The following VASH1 variants were observed in gnomAD, a reference collection of about 807,000 sequenced individuals.
The protein encoded by VASH1 is vasohibin 1.
In VASH1, 16 loss-of-function variants were observed where a neutral mutation model predicts 35.0. The ratio of observed to expected loss-of-function variants is 0.46; its 90% CI spans 0.31 to 0.70. The LOEUF is 0.70. VASH1 is among the 30% of genes least tolerant of loss of function. The pLI, the probability that VASH1 is intolerant of heterozygous loss-of-function variation, is 0.05. For missense variants in VASH1, 505 were observed against 510.7 expected (o/e 0.99, Z 0.11); for synonymous variants, 214 against 200.9 (o/e 1.07, Z -0.55).
Position 76,778,995 on chromosome 14 carries a change from AACG to A in VASH1, c.1076_1078del (p.Asn359_Gly360delinsArg). 6.2e-7 allele frequency: 1 copy of A among 1,614,150 alleles called. No homozygotes were observed. The highest frequency in any genetic ancestry group is 8.5e-7 in the Non-Finnish European group (1 of 1,180,026). On this transcript the variant is annotated inframe_deletion, in exon 7 of 7. Coordinates refer to ENST00000167106, the MANE Select transcript of VASH1 (RefSeq NM_014909.5). Reference sequence around the variant, plus strand: ...CGAGCCCAAAGCCATGCCAGACCTTAACGGGTACCAGATCCGGGTCTGAGGCGG... The same window carrying A: ...CGAGCCCAAAGCCATGCCAGACCTTAGGTACCAGATCCGGGTCTGAGGCGG...
At chr14:76,776,933 G>C (rs189999157) in intron 5 of VASH1, among the ~76,000 whole-genome samples, 3 of 152,116 alleles carry the variant, frequency 2.0e-5, no homozygotes, top group African/African-American at 7.2e-5. Flanking sequence ...CTCAACCACC[G>C]ACCTCTGCAC....
chr14:76,775,500 G>A (rs991883804), intron 4 of VASH1, among the ~76,000 whole-genome samples: 22 of 152,154 alleles, frequency 1.4e-4, no homozygotes, highest in African/African-American at 4.3e-4. Flanking sequence ...GTGAAGCCGC[G>A]TCTGTGGCCT....
chr14:76,773,227 T>C lies in VASH1; in HGVS notation c.530+16T>C. On this transcript the variant is annotated intron_variant, in intron 4 of 6. Coordinates refer to ENST00000167106, the MANE Select transcript of VASH1 (RefSeq NM_014909.5). ...TCCTGGGAATGTATCCTTCCTCACC[T>C]GAAGGGGAGGGGTCCGGGCTTCTCT... The C allele has an allele frequency of 6.2e-7, 1 of 1,613,312 alleles. No individual in the cohort carries two copies. Among genetic ancestry groups the C allele is most frequent in the Non-Finnish European group, 8.5e-7 (1 of 1,179,364 alleles).
chr14:76,772,456 A>G (rs548255751), intron 3 of VASH1, among the ~76,000 whole-genome samples: 1 of 151,904 alleles, frequency 6.6e-6, no homozygotes, highest in Non-Finnish European at 1.5e-5. Context: ...CTGGGGAACC[A>G]CTCCAGCCTT....
At position 76,762,831 on chromosome 14, in the gene VASH1, G is replaced by T; in HGVS notation, c.10G>T (p.Gly4Trp). Residue 4 changes from glycine to tryptophan, a missense_variant, in exon 1 of 7, where the codon GGG (glycine) becomes TGG (tryptophan). Transcript: ENST00000167106. Reference protein sequence around the residue: MPGGKKVAGGGSSG... With the variant: MPGWKKVAGGGSSG... ...CCTCGAAGATTTAGGGATGCCAGGG[G>T]GGAAGAAGGTGGCTGGGGGTGGCAG... 1 of 1,493,248 alleles carries T rather than the reference G, an allele frequency of 6.7e-7. No homozygotes were observed. The highest frequency in any genetic ancestry group is 8.9e-7 in the Non-Finnish European group (1 of 1,121,682). 92.5% of individuals were successfully genotyped at this position (1,493,248 alleles called of 1,614,324 possible). A position where few individuals can be genotyped will look rare whatever the true frequency, so the allele number is the denominator to read the frequency against.
chr14:76,776,821 G>A (rs1055545616), intron 5 of VASH1, among the ~76,000 whole-genome samples: 1 of 152,148 alleles, frequency 6.6e-6, no homozygotes, highest in African/African-American at 2.4e-5. Flanking sequence ...TCTGACATCT[G>A]CCTGGGTTCT....
At chr14:76,766,875 T>A (rs1893656627) in intron 1 of VASH1, among the ~76,000 whole-genome samples, 1 of 152,224 alleles carries the variant, frequency 6.6e-6, no homozygotes, top group African/African-American at 2.4e-5. Context: ...CTGCAGCATC[T>A]CATTCGCACT....
In VASH1 at chr14:76,769,965, C is replaced by T; in HGVS notation, c.312C>T (p.Ile104=). 1 of 1,613,940 alleles carries T rather than the reference C, an allele frequency of 6.2e-7. No homozygotes were observed. Among genetic ancestry groups the T allele is most frequent in the Non-Finnish European group, 8.5e-7 (1 of 1,179,856 alleles). The change falls in exon 2 of 7, where the codon ATC becomes ATT. Residue 104 remains isoleucine, a splice_region_variant and synonymous_variant. Coordinates refer to ENST00000167106, the MANE Select transcript of VASH1 (RefSeq NM_014909.5). The stretch of plus-strand genomic sequence containing the variant: ...CGGAGCTCTTTCTCTGTCCCCAGAT[C>T]CCCATACCGAGTGTGCCTACGTTCC... ...RIRGATDLPK[I]PIPSVPTFQP...
intron 1 of VASH1, chr14:76,769,613 C>T: frequency 1.8e-6 from 1 of 550,256 alleles, no homozygotes; most frequent in South Asian, 1.9e-5. Context: ...AAAATAACCC[C>T]AATATTATAT....
intron 4 of VASH1, chr14:76,774,304 G>A (rs1220900079): frequency 1.3e-5 from 2 of 152,254 alleles, no homozygotes; most frequent in East Asian, 1.9e-4. Context: ...GCCCATTTCT[G>A]GAGCCCGACA....
chr14:76,777,917 G>A, intron 5 of VASH1, 42 bp from the exon 6 acceptor site: 2 of 1,366,268 alleles, frequency 1.5e-6, no homozygotes, highest in Admixed American at 3.5e-5. Flanking sequence ...GGGCTCCAGG[G>A]CAGTCCTGGA....
At position 76,781,499 on chromosome 14, in the gene VASH1, A is replaced by C. The variant is rs1255139242; in HGVS notation, c.*2481A>C. The C allele has an allele frequency of 6.6e-6, 1 of 152,056 alleles. No individual in the cohort carries two copies. The highest frequency in any genetic ancestry group is 2.4e-5 in the African/African-American group (1 of 41,352). The allele number at this position is 152,056 out of a possible 1,614,324, so 9.4% of individuals were successfully genotyped here. A position where few individuals can be genotyped will look rare whatever the true frequency, so the allele number is the denominator to read the frequency against. On this transcript the variant is annotated 3_prime_UTR_variant, in exon 7 of 7. Transcript: ENST00000167106. ...CAGCTGCCTCTGGGAGCTTCCCGGG[A>C]ATGACAGGGTTTGAGGGGAGTAGAT...
intron 5 of VASH1, 74 bp downstream of exon 5, chr14:76,776,347 GAGAGGACTGGGGAGCTTCTC>G: frequency 6.8e-7 from 1 of 1,462,250 alleles, no homozygotes. Flanking sequence ...TGTGAGGATT[GAGAGGACTGGGGAGCTTCTC>G]AGGGGACTGG....
rs958921688 is a variant in VASH1 at position 76,781,662 on chromosome 14, C to T, written c.*2644C>T. The T allele has an allele frequency of 6.6e-6, 1 of 152,568 alleles. No homozygotes were observed. The highest frequency in any genetic ancestry group is 1.5e-5 in the Non-Finnish European group (1 of 68,264). 9.5% of individuals were successfully genotyped at this position (152,568 alleles called of 1,614,324 possible). A position where few individuals can be genotyped will look rare whatever the true frequency, so the allele number is the denominator to read the frequency against. ...GTCTGCAAGGGAGGGAGCCGAGCCC[C>T]AGCTGATAATCCCCCAGCACTCACC... On this transcript the variant is annotated 3_prime_UTR_variant, in exon 7 of 7. Coordinates refer to ENST00000167106, the MANE Select transcript of VASH1 (RefSeq NM_014909.5).
rs1893510083 is a variant in VASH1 at position 76,761,727 on chromosome 14, C to G, written c.-1095C>G. ...CTGCGCGAGCCTCCGGGCTTGCGGT[C>G]CCCGCCCCGCGGTCCTTCCTCCACC... On this transcript the variant is annotated 5_prime_UTR_variant, in exon 1 of 7. Transcript: ENST00000167106. Among the ~76,000 whole-genome samples the G allele has an allele frequency of 6.6e-6, 1 of 151,902 alleles. No homozygotes were observed. The highest frequency in any genetic ancestry group is 2.4e-5 in the African/African-American group (1 of 41,420).
Position 76,761,855 on chromosome 14 carries a change from C to G in VASH1, c.-967C>G, listed in dbSNP as rs112292889. 1.3e-5 allele frequency among the ~76,000 whole-genome samples: 2 copies of G among 151,646 alleles called. No individual in the cohort carries two copies. The highest frequency in any genetic ancestry group is 4.8e-5 in the African/African-American group (2 of 41,384). The stretch of plus-strand genomic sequence containing the variant: ...CTGCAGCCAGTCCCAGGCAGCGACC[C>G]CGCGGCCGCAGCCCGCCGCTCAGTG... On this transcript the variant is annotated 5_prime_UTR_variant, in exon 1 of 7. Coordinates refer to ENST00000167106, the MANE Select transcript of VASH1 (RefSeq NM_014909.5).
intron 3 of VASH1, among the ~76,000 whole-genome samples, chr14:76,772,840 C>G (rs1566684835): frequency 6.6e-6 from 1 of 152,254 alleles, no homozygotes. Context: ...TTCTGCTGCC[C>G]TCCCCCAGAG....
chr14:76,767,750 T>C (rs1028410551), intron 1 of VASH1, among the ~76,000 whole-genome samples: 2 of 152,208 alleles, frequency 1.3e-5, no homozygotes, highest in Non-Finnish European at 2.9e-5. Flanking sequence ...GACAAAAAGG[T>C]GCAGGTGCTG....
chr14:76,765,554 CAGG>C (rs1488253146), intron 1 of VASH1, among the ~76,000 whole-genome samples: 5 of 152,256 alleles, frequency 3.3e-5, no homozygotes, highest in Non-Finnish European at 7.4e-5. Flanking sequence ...GTGCCAGTGG[CAGG>C]GTGGGCTGAC....
Sources: allele counts gnomAD v4.1 joint callset (sites outside exome capture counted in the v4.1 genomes callset), GRCh38; gene constraint gnomAD v4.1.1; transcripts MANE v1.5; gene names NCBI Gene and HGNC (gene_info 2026-07-23, HGNC 2026-07-21).